PDCD11: variants seen among roughly 807,000 people sequenced by gnomAD.
PDCD11 encodes protein RRP5 homolog.
A neutral mutation model predicts 198.9 loss-of-function variants in PDCD11; 97 were observed. The ratio of observed to expected loss-of-function variants is 0.49; its 90% CI spans 0.41 to 0.58. The LOEUF (loss-of-function observed/expected upper bound fraction) is 0.58. Among genes scored for constraint, PDCD11 ranks in the 20% least tolerant of loss-of-function variants. The pLI, the probability that PDCD11 is intolerant of heterozygous loss-of-function variation, is 0.00. For missense variants in PDCD11, 2,102 were observed against 2,312.7 expected (o/e 0.91, Z 1.87); for synonymous variants, 893 against 918.0 (o/e 0.97, Z 0.49).
chr10:103,411,146 G>A (rs1464248609), intron 8 of PDCD11, among the ~76,000 whole-genome samples: 3 of 151,936 alleles, frequency 2.0e-5, no homozygotes, highest in South Asian at 4.1e-4. Context: ...TGAACTCCGG[G>A]GCTCAAGGAG....
Position 103,413,276 on chromosome 10 carries a change from C to T in PDCD11, c.1139C>T (p.Ala380Val). 1.2e-6 allele frequency: 2 copies of T among 1,614,188 alleles called. No individual in the cohort carries two copies. Among genetic ancestry groups the T allele is most frequent in the Non-Finnish European group, 8.5e-7 (1 of 1,180,026 alleles). ...DVPVQGFFKK[A>V]GATFRLKDGV... Reference sequence around the variant, plus strand: ...CCTGTCCAGGGTTTTTTCAAAAAGGCTGGGGCCACCTTTAGGCTGAAGGAT... The same window carrying T: ...CCTGTCCAGGGTTTTTTCAAAAAGGTTGGGGCCACCTTTAGGCTGAAGGAT... Residue 380 changes from alanine to valine, a missense_variant, in exon 9 of 36, where the codon GCT becomes GTT. Ala to Val is a moderately conservative substitution (Grantham distance 64). Coordinates refer to ENST00000369797, the MANE Select transcript of PDCD11 (RefSeq NM_014976.2).
intron 16 of PDCD11, among the ~76,000 whole-genome samples, chr10:103,420,108 T>C (rs1196110721): frequency 2.0e-5 from 3 of 152,058 alleles, no homozygotes; most frequent in Admixed American, 1.3e-4. Context: ...AAGGATACTT[T>C]ACTCTTTTGA....
chr10:103,409,738 T>G lies in PDCD11; in HGVS notation c.910T>G (p.Phe304Val), dbSNP rs1403367734. ...FGLTLNFLTFFTGVVDFMHLD... is the reference protein window; with the variant it reads ...FGLTLNFLTFVTGVVDFMHLD... ...CCTTACGCTAAACTTCCTCACATTC[T>G]TCACGGGCGTGGTTGACTTTATGCA... The change falls in exon 8 of 36, where the codon TTC (phenylalanine) becomes GTC (valine). Residue 304 changes from phenylalanine (F) to valine (V), a missense_variant. By Grantham distance (50) the Phe-to-Val change is conservative. Transcript: ENST00000369797. 6.2e-7 allele frequency: 1 copy of G among 1,614,188 alleles called. No individual in the cohort carries two copies. The highest frequency in any genetic ancestry group is 1.7e-5 in the Admixed American group (1 of 60,028).
chr10:103,402,260 T>A (rs1592110586), intron 3 of PDCD11, among the ~76,000 whole-genome samples: 3 of 152,204 alleles, frequency 2.0e-5, no homozygotes, highest in Middle Eastern at 3.4e-3. Flanking sequence ...TGAGTTTGGG[T>A]TGCTCAGAAT....
chr10:103,407,408 A>G (rs2030524385), intron 7 of PDCD11, among the ~76,000 whole-genome samples: 1 of 152,010 alleles, frequency 6.6e-6, no homozygotes, highest in Non-Finnish European at 1.5e-5. Flanking sequence ...CTAAAAATAC[A>G]AAAAATTAGC....
Position 103,445,340 on chromosome 10 carries a change from G to T in PDCD11, c.5445-38G>T. 3 of 1,609,204 alleles carry T rather than the reference G, an allele frequency of 1.9e-6. No individual in the cohort carries two copies. The South Asian group carries it at 3.3e-5, about 18-fold the overall frequency. ...GCTAGGCAGGAAGCACGTGACCTGG[G>T]ACTGACAGGCAAATGCCACTCTGCT... On this transcript the variant is annotated intron_variant, in intron 35 of 35. Coordinates refer to ENST00000369797, the MANE Select transcript of PDCD11 (RefSeq NM_014976.2).
In PDCD11 at chr10:103,414,097, C is replaced by G; in HGVS notation, c.1310+7C>G. Reference sequence around the variant, plus strand: ...CCTTGCTCTCTCTACGAACGTAAGTCTGTCATTAACAGGTAGGGGTGTAGA... The same window carrying G: ...CCTTGCTCTCTCTACGAACGTAAGTGTGTCATTAACAGGTAGGGGTGTAGA... On this transcript the variant is annotated splice_region_variant and intron_variant, in intron 10 of 35. Transcript: ENST00000369797. 3 of 1,608,014 alleles carry G rather than the reference C, an allele frequency of 1.9e-6. No individual in the cohort carries two copies. The highest frequency in any genetic ancestry group is 2.5e-6 in the Non-Finnish European group (3 of 1,176,888).
In PDCD11 at chr10:103,434,951, A is replaced by G; in HGVS notation, c.3821A>G (p.Asp1274Gly). The G allele has an allele frequency of 3.2e-6, 5 of 1,580,008 alleles. No homozygotes were observed. Among genetic ancestry groups the G allele is most frequent in the Non-Finnish European group, 4.3e-6 (5 of 1,162,472 alleles). ...SDSYSETPLE[D>G]FVPQKVVRCY... ...TCCTACTCCGAGACGCCCCTGGAAGACTTCGTCCCCCAGAAGGTTGTCAGG... is the reference window on the plus strand; with the variant it reads ...TCCTACTCCGAGACGCCCCTGGAAGGCTTCGTCCCCCAGAAGGTTGTCAGG... Residue 1274 changes from aspartate to glycine, a missense_variant, in exon 25 of 36, where the codon GAC (aspartate) becomes GGC (glycine). Asp to Gly is a moderately conservative substitution (Grantham distance 94). Coordinates refer to ENST00000369797, the MANE Select transcript of PDCD11 (RefSeq NM_014976.2).
chr10:103,443,868 C>T (rs770823826), intron 33 of PDCD11, 47 bp from the exon 34 acceptor site: 2 of 1,591,898 alleles, frequency 1.3e-6, no homozygotes, highest in East Asian at 2.2e-5. Context: ...GTCTTGTCCC[C>T]TCTGTAGTAT....
In PDCD11 at chr10:103,425,266, G is replaced by T. The variant is rs1564769743; in HGVS notation, c.3046G>T (p.Asp1016Tyr). 6.2e-7 allele frequency: 1 copy of T among 1,614,120 alleles called. No individual in the cohort carries two copies. The highest frequency in any genetic ancestry group is 8.5e-7 in the Non-Finnish European group (1 of 1,180,022). The change falls in exon 20 of 36, where the codon GAT becomes TAT. Residue 1016 changes from aspartate to tyrosine, a missense_variant. By Grantham distance (160) the Asp-to-Tyr change is radical. Transcript: ENST00000369797. ...TQKDSETVDE[D>Y]EEVDPALTVG... ...GAAGGACTCTGAGACAGTTGATGAG[G>T]ATGAAGAAGTGGATCCAGCTCTGAC...
At chr10:103,443,470 G>A in intron 33 of PDCD11, 137 bp downstream of exon 33, 1 of 637,696 alleles carries the variant, frequency 1.6e-6, no homozygotes, top group South Asian at 2.2e-5. Flanking sequence ...TATCTTCCAA[G>A]TAAAAGAAGT....
At position 103,425,095 on chromosome 10, in the gene PDCD11, C is replaced by G. The variant is rs568839783; in HGVS notation, c.2875C>G (p.Leu959Val). The change falls in exon 20 of 36, where the codon CTC (leucine) becomes GTC (valine). Residue 959 changes from leucine to valine, a missense_variant. By Grantham distance (32) the Leu-to-Val change is conservative (BLOSUM62 1). Transcript: ENST00000369797. ...HLAAFSLTSH[L>V]NDTFRFDSEK... ...GGCAGCTTTCTCCCTGACCTCTCACCTCAACGACACCTTCCGCTTTGACTC... is the reference window on the plus strand; with the variant it reads ...GGCAGCTTTCTCCCTGACCTCTCACGTCAACGACACCTTCCGCTTTGACTC... 51 of 1,614,258 alleles carry G rather than the reference C, an allele frequency of 3.2e-5. No individual in the cohort carries two copies. In the East Asian group the frequency reaches 1.1e-3, roughly 35 times the overall value.
chr10:103,408,701 T>C (rs2030611868), intron 7 of PDCD11, among the ~76,000 whole-genome samples: 1 of 152,002 alleles, frequency 6.6e-6, no homozygotes, highest in African/African-American at 2.4e-5. Context: ...CCACCACACC[T>C]GGCTAATTTT....
chr10:103,405,551 A>G (rs1378905082), intron 5 of PDCD11, among the ~76,000 whole-genome samples: 1 of 152,034 alleles, frequency 6.6e-6, no homozygotes. Flanking sequence ...TACAGGTGCC[A>G]TGCCCAGCTA....
intron 20 of PDCD11, among the ~76,000 whole-genome samples, chr10:103,426,274 A>G (rs2031690151): frequency 2.6e-5 from 4 of 152,188 alleles, no homozygotes; most frequent in Admixed American, 2.6e-4. Context: ...CTTTAAATCT[A>G]GTGCCACATG....
intron 16 of PDCD11, among the ~76,000 whole-genome samples, chr10:103,420,865 G>GCTTGTT (rs1554877918): frequency 4.6e-5 from 7 of 150,930 alleles, no homozygotes; most frequent in Admixed American, 2.6e-4. Context: ...TGTTGTTGTT[G>GCTTGTT]TTTGTTTTTG....
Position 103,410,280 on chromosome 10 carries a change from A to G in PDCD11, c.978+474A>G, listed in dbSNP as rs534470460. On this transcript the variant is annotated intron_variant, in intron 8 of 35. Transcript: ENST00000369797. Reference sequence around the variant, plus strand: ...TATGGAAGGAAAGTAAGAAACTCTCAGTGGCTGAACTGAAATTAGAGAAGG... The same window carrying G: ...TATGGAAGGAAAGTAAGAAACTCTCGGTGGCTGAACTGAAATTAGAGAAGG... Among the ~76,000 whole-genome samples the G allele has an allele frequency of 5.3e-4, 80 of 151,778 alleles. No individual in the cohort carries two copies. In the Middle Eastern group the frequency reaches 0.024, roughly 45 times the overall value.
chr10:103,425,489 C>G lies in PDCD11; in HGVS notation c.3269C>G (p.Ala1090Gly). Reference sequence around the variant, plus strand: ...CTGAAGGTTGGGAAGACGGTCACTGCCCGAGTGATTGGCGGGCGAGACATG... The same window carrying G: ...CTGAAGGTTGGGAAGACGGTCACTGGCCGAGTGATTGGCGGGCGAGACATG... ...TKLKVGKTVT[A>G]RVIGGRDMKT... The change falls in exon 20 of 36, where the codon GCC becomes GGC. Residue 1090 changes from alanine (A) to glycine (G), a missense_variant. Transcript: ENST00000369797. 6.2e-7 allele frequency: 1 copy of G among 1,611,826 alleles called. No homozygotes were observed. Among genetic ancestry groups the G allele is most frequent in the Non-Finnish European group, 8.5e-7 (1 of 1,178,178 alleles).
Position 103,423,546 on chromosome 10 carries a change from A to G in PDCD11, c.2651A>G (p.Gln884Arg). Reference protein sequence around the residue: ...LKASRYHRAGQEVESGQKKKV... With the variant: ...LKASRYHRAGREVESGQKKKV... ...ACACTGTGGTTCTGCACTGCAGGGCAGGAGGTGGAATCTGGGCAGAAAAAG... is the reference window on the plus strand; with the variant it reads ...ACACTGTGGTTCTGCACTGCAGGGCGGGAGGTGGAATCTGGGCAGAAAAAG... The change falls in exon 19 of 36, where the codon CAG (glutamine) becomes CGG (arginine). Residue 884 changes from glutamine to arginine, a missense_variant. Coordinates refer to ENST00000369797, the MANE Select transcript of PDCD11 (RefSeq NM_014976.2). 6.2e-7 allele frequency: 1 copy of G among 1,610,282 alleles called. No homozygotes were observed. The highest frequency in any genetic ancestry group is 8.5e-7 in the Non-Finnish European group (1 of 1,176,482).
Sources: gnomAD v4.1 joint callset for allele counts (sites outside exome capture counted in the v4.1 genomes callset) on GRCh38, gnomAD v4.1.1 for gene constraint, MANE v1.5 for transcripts, NCBI Gene and HGNC (gene_info 2026-07-23, HGNC 2026-07-21) for gene names.